ZNF892: variants seen among roughly 807,000 people sequenced by gnomAD.
The protein encoded by ZNF892 is zinc finger protein 892.
chr2:95,211,576 A>G, the ZNF892 span: 3 of 398,016 alleles, frequency 7.5e-6, no homozygotes, highest in African/African-American at 6.2e-5. Context: ...AGGCCTCTGT[A>G]AGGAGGCTCA....
At chr2:95,223,988 G>A in the ZNF892 span, among the ~76,000 whole-genome samples, 1 of 152,186 alleles carries the variant, frequency 6.6e-6, no homozygotes, top group Non-Finnish European at 1.5e-5. Flanking sequence ...GTGCTCCTAT[G>A]AAAGTGGCCC....
chr2:95,241,830 C>T, the ZNF892 span, among the ~76,000 whole-genome samples: 1 of 152,090 alleles, frequency 6.6e-6, no homozygotes, highest in Non-Finnish European at 1.5e-5. Flanking sequence ...AAAAACACAA[C>T]ATGAGGACTT....
the ZNF892 span, among the ~76,000 whole-genome samples, chr2:95,229,861 A>C: frequency 6.6e-6 from 1 of 152,208 alleles, no homozygotes; most frequent in African/African-American, 2.4e-5. Context: ...AGATAATGTC[A>C]AATGGTTTTG....
the ZNF892 span, among the ~76,000 whole-genome samples, chr2:95,248,019 C>G: frequency 6.6e-6 from 1 of 152,014 alleles, no homozygotes; most frequent in South Asian, 2.1e-4. Flanking sequence ...ATCATTCCAC[C>G]AAAAAGACAC....
At chr2:95,220,647 G>A in the ZNF892 span, among the ~76,000 whole-genome samples, 3 of 152,266 alleles carry the variant, frequency 2.0e-5, no homozygotes, top group East Asian at 3.9e-4. Context: ...ACATCAAGTT[G>A]TGGTATATAT....
At chr2:95,256,377 T>C in the ZNF892 span, among the ~76,000 whole-genome samples, 2 of 152,242 alleles carry the variant, frequency 1.3e-5, no homozygotes, top group African/African-American at 4.8e-5. Flanking sequence ...AATTCTTTTC[T>C]TTAAGAATGT....
the ZNF892 span, among the ~76,000 whole-genome samples, chr2:95,212,716 C>G: frequency 6.6e-6 from 1 of 152,132 alleles, no homozygotes; most frequent in African/African-American, 2.4e-5. Flanking sequence ...GTTAAGACTG[C>G]AGACTTTGGA....
the ZNF892 span, among the ~76,000 whole-genome samples, chr2:95,241,700 T>G: frequency 1.3e-5 from 2 of 152,124 alleles, no homozygotes; most frequent in African/African-American, 4.8e-5. Flanking sequence ...CAAACTTTGC[T>G]GAGCTAAAGG....
chr2:95,207,456 C>T, the ZNF892 span: 6 of 199,216 alleles, frequency 3.0e-5, no homozygotes, highest in Non-Finnish European at 6.0e-5. Context: ...CCGCAGGGTC[C>T]TCTGGGAAGC....
the ZNF892 span, among the ~76,000 whole-genome samples, chr2:95,245,416 T>G: frequency 2.1e-5 from 3 of 145,270 alleles, no homozygotes; most frequent in Non-Finnish European, 3.0e-5. Flanking sequence ...CCGGCTAATT[T>G]TTTGTATTTT....
chr2:95,212,145 T>TGAAC, the ZNF892 span: 1 of 398,366 alleles, frequency 2.5e-6, no homozygotes, highest in Non-Finnish European at 4.4e-6. Context: ...GACCAGGGAA[T>TGAAC]GAACACTGAG....
At chr2:95,212,223 C>T in the ZNF892 span, 1 of 398,516 alleles carries the variant, frequency 2.5e-6, no homozygotes, top group Non-Finnish European at 4.4e-6. Context: ...GATGTAATCT[C>T]TCAGTTGGAG....
the ZNF892 span, among the ~76,000 whole-genome samples, chr2:95,227,503 T>C: frequency 1.3e-5 from 2 of 151,988 alleles, no homozygotes; most frequent in East Asian, 1.9e-4. Context: ...TTTTTTTTTT[T>C]TGTAGAGACA....
the ZNF892 span, among the ~76,000 whole-genome samples, chr2:95,249,229 ATATTTTTTTTTTT>A: frequency 1.1e-4 from 8 of 70,626 alleles, no homozygotes; most frequent in Non-Finnish European, 2.1e-4. Context: ...ATATATATAT[ATATTTTTTTTTTT>A]TTTTTTTTTT....
At chr2:95,219,711 C>T in the ZNF892 span, among the ~76,000 whole-genome samples, 1 of 152,144 alleles carries the variant, frequency 6.6e-6, no homozygotes, top group East Asian at 1.9e-4. Context: ...CATTGACAGG[C>T]CTCCTCTGAT....
At chr2:95,214,709 A>G in the ZNF892 span, 1 of 416,972 alleles carries the variant, frequency 2.4e-6, no homozygotes. Flanking sequence ...AATGCAATGA[A>G]TGCGAGAAAG....
the ZNF892 span, among the ~76,000 whole-genome samples, chr2:95,262,990 G>A: frequency 6.6e-6 from 1 of 152,196 alleles, no homozygotes; most frequent in Admixed American, 6.5e-5. Context: ...TCAAGGTATG[G>A]CTGTGACACG....
chr2:95,253,977 T>G, the ZNF892 span, among the ~76,000 whole-genome samples: 1 of 152,232 alleles, frequency 6.6e-6, no homozygotes, highest in Admixed American at 6.5e-5. Context: ...AAGGAGATTT[T>G]GGGCTGAGAC....
At chr2:95,249,255 T>G in the ZNF892 span, among the ~76,000 whole-genome samples, 6 of 117,132 alleles carry the variant, frequency 5.1e-5, no homozygotes, top group African/African-American at 2.3e-4. Flanking sequence ...TTTTTTTTTT[T>G]TCTGAGACAG....
Sources: gnomAD v4.1 joint callset for allele counts (sites outside exome capture counted in the v4.1 genomes callset) on GRCh38, gnomAD v4.1.1 for gene constraint, MANE v1.5 for transcripts, NCBI Gene and HGNC (gene_info 2026-07-23, HGNC 2026-07-21) for gene names.